Variants in BOLA1 observed in about 807,000 individuals in gnomAD.
BOLA1 encodes the protein bolA family member 1.
A neutral mutation model predicts 6.6 loss-of-function variants in BOLA1; 6 were observed. The ratio of observed to expected loss-of-function variants is 0.92; its 90% CI spans 0.50 to 1.81. The LOEUF (loss-of-function observed/expected upper bound fraction) is 1.81, where lower values mean the gene tolerates loss of function less well. Ranked by LOEUF, BOLA1 falls within the 40% of genes most tolerant of loss-of-function variation. BOLA1 has a pLI of 0.01. For synonymous variants in BOLA1, 87 were observed against 85.6 expected (o/e 1.02, Z -0.09); for missense variants, 183 against 186.8 (o/e 0.98, Z 0.12).
chr1:149,900,581 C>T lies in BOLA1; in HGVS notation c.*108C>T. 1 of 1,284,370 alleles carries T rather than the reference C, an allele frequency of 7.8e-7. No individual in the cohort carries two copies. Among genetic ancestry groups the T allele is most frequent in the Non-Finnish European group, 1.1e-6 (1 of 938,200 alleles). 79.6% of individuals were successfully genotyped at this position (1,284,370 alleles called of 1,614,324 possible). A position where few individuals can be genotyped will look rare whatever the true frequency, so the allele number is the denominator to read the frequency against. ...TTTGTAAGGGATGAAGACCCCTGGG[C>T]CCCATTCTGTTGGGGTCCATACATA... On this transcript the variant is annotated 3_prime_UTR_variant, in exon 2 of 2. Coordinates refer to ENST00000369152, the MANE Select transcript of BOLA1 (RefSeq NM_016074.5).
In BOLA1 at chr1:149,900,392, C is replaced by G; in HGVS notation, c.333C>G (p.Pro111=). ...VHALAIQART[P]AQWRENSQLD... ...CGCTGGCCATCCAGGCACGGACCCCCGCCCAGTGGAGAGAGAACTCTCAGC... is the reference window on the plus strand; with the variant it reads ...CGCTGGCCATCCAGGCACGGACCCCGGCCCAGTGGAGAGAGAACTCTCAGC... Residue 111 remains proline, a synonymous_variant, in exon 2 of 2, where the codon CCC becomes CCG. Coordinates refer to ENST00000369152, the MANE Select transcript of BOLA1 (RefSeq NM_016074.5). 6.2e-7 allele frequency: 1 copy of G among 1,612,094 alleles called. No homozygotes were observed. Among genetic ancestry groups the G allele is most frequent in the Non-Finnish European group, 8.5e-7 (1 of 1,178,852 alleles).
In BOLA1 at chr1:149,900,427, GC is replaced by G. The variant is rs1387757958; in HGVS notation, c.374del (p.Pro125HisfsTer10). On this transcript the variant is annotated frameshift_variant, in exon 2 of 2. Coordinates refer to ENST00000369152, the MANE Select transcript of BOLA1 (RefSeq NM_016074.5). LOFTEE classifies it high-confidence loss of function. ...QWRENSQLDT[S>X]PPCLGGNKKT... ...AGAGAGAACTCTCAGCTGGACACTA[GC>G]CCCCCATGCCTGGGTGGGAACAAGA... 1.3e-6 allele frequency: 2 copies of G among 1,594,614 alleles called. No individual in the cohort carries two copies. Among genetic ancestry groups the G allele is most frequent in the African/African-American group, 1.3e-5 (1 of 74,446 alleles).
At position 149,900,048 on chromosome 1, in the gene BOLA1, C is replaced by T. The variant is rs1553761623; in HGVS notation, c.-12C>T. 1 of 1,567,056 alleles carries T rather than the reference C, an allele frequency of 6.4e-7. No homozygotes were observed. The highest frequency in any genetic ancestry group is 1.2e-5 in the South Asian group (1 of 85,836). The stretch of plus-strand genomic sequence containing the variant: ...ACCCTCACTCCTGGCGTCTGAGTCT[C>T]TGGCGTAGCCCATGCTGAGTGGGCG... On this transcript the variant is annotated 5_prime_UTR_variant, in exon 2 of 2. Coordinates refer to ENST00000369152, the MANE Select transcript of BOLA1 (RefSeq NM_016074.5).
intron 1 of BOLA1, 83 bp downstream of exon 1, chr1:149,899,755 T>G (rs1282280225): frequency 5.1e-6 from 2 of 395,292 alleles, no homozygotes; most frequent in African/African-American, 4.1e-5. Context: ...ATGCCCTACT[T>G]TTGCCCATTC....
In BOLA1 at chr1:149,900,070, G is replaced by A. The variant is rs782566372; in HGVS notation, c.11G>A (p.Gly4Glu). MLS[G>E]RLVLGLVSMA... ...TCTCTGGCGTAGCCCATGCTGAGTG[G>A]GCGGCTGGTCCTGGGTCTGGTCTCC... The change falls in exon 2 of 2, where the codon GGG becomes GAG. Residue 4 changes from glycine (G) to glutamate (E), a missense_variant. By Grantham distance (98) the Gly-to-Glu change is moderately conservative. Transcript: ENST00000369152. 1 of 1,592,820 alleles carries A rather than the reference G, an allele frequency of 6.3e-7. No homozygotes were observed. Among genetic ancestry groups the A allele is most frequent in the East Asian group, 2.3e-5 (1 of 44,420 alleles).
intron 1 of BOLA1, 80 bp downstream of exon 1, chr1:149,899,752 A>C: frequency 5.2e-6 from 2 of 387,210 alleles, no homozygotes; most frequent in Non-Finnish European, 4.7e-6. Context: ...CACATGCCCT[A>C]CTTTTGCCCA....
In BOLA1 at chr1:149,899,671, A is replaced by T; in HGVS notation, c.-52A>T. 1 of 189,842 alleles carries T rather than the reference A, an allele frequency of 5.3e-6. No individual in the cohort carries two copies. 11.8% of individuals were successfully genotyped at this position (189,842 alleles called of 1,614,324 possible). ...ATCGCAGTGGCCGAGGCTGAGCGGC[A>T]GGTAGAAGGGGCGTCTCCGGGGCTT... On this transcript the variant is annotated splice_region_variant and 5_prime_UTR_variant, in exon 1 of 2. Transcript: ENST00000369152.
At chr1:149,899,749 CCT>C (rs1214955615) in intron 1 of BOLA1, 77 bp downstream of exon 1, 46 of 380,932 alleles carry the variant, frequency 1.2e-4, no homozygotes, top group African/African-American at 7.2e-4. Flanking sequence ...TTGCACATGC[CCT>C]ACTTTTGCCC....
rs1053650433 is a variant in BOLA1, at chr1:149,900,301, G to C, written c.242G>C (p.Ser81Thr). ...AVVSSRFEGL[S>T]PLQRHRLVHA... ...GTGAGCTCTCGTTTCGAGGGACTGA[G>C]CCCCCTACAACGACACCGGCTGGTC... Residue 81 changes from serine to threonine, a missense_variant, in exon 2 of 2, where the codon AGC (serine) becomes ACC (threonine). Physicochemically the swap from Ser to Thr is moderately conservative, Grantham distance 58 (BLOSUM62 1). Transcript: ENST00000369152. The C allele has an allele frequency of 6.2e-7, 1 of 1,613,710 alleles. No individual in the cohort carries two copies. Among genetic ancestry groups the C allele is most frequent in the Non-Finnish European group, 8.5e-7 (1 of 1,179,928 alleles).
In BOLA1 at chr1:149,900,458, T is replaced by C; in HGVS notation, c.399T>C (p.Thr133=). ...SPPCLGGNKK[T]LGTP ...CATGCCTGGGTGGGAACAAGAAAAC[T>C]CTAGGAACCCCCTGAACCCCAAGAG... is the stretch of plus-strand genomic sequence containing the variant. The change falls in exon 2 of 2, where the codon ACT becomes ACC. Residue 133 remains threonine (T), a synonymous_variant. Transcript: ENST00000369152. The C allele has an allele frequency of 6.3e-7, 1 of 1,581,524 alleles. No individual in the cohort carries two copies. The highest frequency in any genetic ancestry group is 8.6e-7 in the Non-Finnish European group (1 of 1,159,242).
In BOLA1 at chr1:149,900,608, T is replaced by A; in HGVS notation, c.*135T>A. On this transcript the variant is annotated 3_prime_UTR_variant, in exon 2 of 2. Transcript: ENST00000369152. ...CCATTCTGTTGGGGTCCATACATAC[T>A]CTCCGAAGATAGCAACTTGCTTCAG... 1.1e-6 allele frequency: 1 copy of A among 914,022 alleles called. No homozygotes were observed. Among genetic ancestry groups the A allele is most frequent in the Non-Finnish European group, 1.6e-6 (1 of 630,030 alleles). The allele number at this position is 914,022 out of a possible 1,614,324, so 56.6% of individuals were successfully genotyped here. A position where few individuals can be genotyped will look rare whatever the true frequency, so the allele number is the denominator to read the frequency against.
At position 149,899,986 on chromosome 1, in the gene BOLA1, G is replaced by T. The variant is rs587721504; in HGVS notation, c.-50-24G>T. ...GGCGGATGCGGGGATCGCGGGGCGG[G>T]TGTTGACATTGTGCTCTCACCAGGC... On this transcript the variant is annotated intron_variant, in intron 1 of 1. Coordinates refer to ENST00000369152, the MANE Select transcript of BOLA1 (RefSeq NM_016074.5). 11,675 of 1,500,484 alleles carry T rather than the reference G, an allele frequency of 7.8e-3. 65 individuals carry two copies. Among genetic ancestry groups the T allele is most frequent in the Non-Finnish European group, 8.5e-3 (9,508 of 1,124,154 alleles). 92.9% of individuals were successfully genotyped at this position (1,500,484 alleles called of 1,614,324 possible).
At chr1:149,899,745 A>G in intron 1 of BOLA1, 73 bp downstream of exon 1, 1 of 369,654 alleles carries the variant, frequency 2.7e-6, no homozygotes, top group Non-Finnish European at 4.9e-6. Flanking sequence ...GCAGTTGCAC[A>G]TGCCCTACTT....
At position 149,900,428 on chromosome 1, in the gene BOLA1, C is replaced by T. The variant is rs2092387291; in HGVS notation, c.369C>T (p.Ser123=). 1.9e-6 allele frequency: 3 copies of T among 1,594,132 alleles called. No individual in the cohort carries two copies. In the African/African-American group the frequency reaches 4.0e-5, roughly 21 times the overall value. ...GAGAGAACTCTCAGCTGGACACTAG[C>T]CCCCCATGCCTGGGTGGGAACAAGA... is the stretch of plus-strand genomic sequence containing the variant. ...QWRENSQLDT[S]PPCLGGNKKT... is the part of the protein sequence containing the mutation. Residue 123 remains serine, a synonymous_variant, in exon 2 of 2, where the codon AGC becomes AGT. Coordinates refer to ENST00000369152, the MANE Select transcript of BOLA1 (RefSeq NM_016074.5).
chr1:149,900,286 G>A lies in BOLA1; in HGVS notation c.227G>A (p.Arg76His), dbSNP rs1553761715. The change falls in exon 2 of 2, where the codon CGT (arginine) becomes CAT (histidine). Residue 76 changes from arginine (R) to histidine (H), a missense_variant. Physicochemically the swap from Arg to His is conservative, Grantham distance 29. Coordinates refer to ENST00000369152, the MANE Select transcript of BOLA1 (RefSeq NM_016074.5). The part of the protein sequence containing the change: ...THFRVAVVSS[R>H]FEGLSPLQRH... ...TTCCGCGTGGCTGTGGTGAGCTCTCGTTTCGAGGGACTGAGCCCCCTACAA... is the reference window on the plus strand; with the variant it reads ...TTCCGCGTGGCTGTGGTGAGCTCTCATTTCGAGGGACTGAGCCCCCTACAA... 5 of 1,613,642 alleles carry A rather than the reference G, an allele frequency of 3.1e-6. No individual in the cohort carries two copies. The South Asian group carries it at 5.5e-5, about 18-fold the overall frequency.
chr1:149,900,232 A>G lies in BOLA1; in HGVS notation c.173A>G (p.His58Arg). The change falls in exon 2 of 2, where the codon CAC (histidine) becomes CGC (arginine). Residue 58 changes from histidine to arginine, a missense_variant. Physicochemically the swap from His to Arg is conservative, Grantham distance 29. Transcript: ENST00000369152. The part of the protein sequence containing the change: ...VLELRNESGG[H>R]AVPPGSETHF... ...GAGCTTCGCAACGAGAGCGGTGGCC[A>G]CGCGGTCCCGCCTGGCAGTGAGACT... 3 of 1,613,184 alleles carry G rather than the reference A, an allele frequency of 1.9e-6. No homozygotes were observed. Among genetic ancestry groups the G allele is most frequent in the Non-Finnish European group, 1.7e-6 (2 of 1,179,466 alleles).
rs782708182 is a variant in BOLA1, at chr1:149,900,488, A to G, written c.*15A>G. 4 of 1,549,524 alleles carry G rather than the reference A, an allele frequency of 2.6e-6. No individual in the cohort carries two copies. The highest frequency in any genetic ancestry group is 1.9e-5 in the Admixed American group (1 of 51,838). On this transcript the variant is annotated 3_prime_UTR_variant, in exon 2 of 2. Coordinates refer to ENST00000369152, the MANE Select transcript of BOLA1 (RefSeq NM_016074.5). ...GAACCCCCTGAACCCCAAGAGAGGG[A>G]GGACCAGGATCCGAATGGGCTGGGT...
rs2092385828 is a variant in BOLA1 at position 149,900,311 on chromosome 1, A to G, written c.252A>G (p.Gln84=). 6.2e-7 allele frequency: 1 copy of G among 1,613,660 alleles called. No individual in the cohort carries two copies. The highest frequency in any genetic ancestry group is 8.5e-7 in the Non-Finnish European group (1 of 1,179,926). The change falls in exon 2 of 2, where the codon CAA becomes CAG. Residue 84 remains glutamine (Q), a synonymous_variant. Coordinates refer to ENST00000369152, the MANE Select transcript of BOLA1 (RefSeq NM_016074.5). ...SSRFEGLSPL[Q]RHRLVHAALA... ...GTTTCGAGGGACTGAGCCCCCTACA[A>G]CGACACCGGCTGGTCCACGCAGCGC... is the stretch of plus-strand genomic sequence containing the variant.
rs782352952 is a variant in BOLA1 at position 149,900,424 on chromosome 1, C to T, written c.365C>T (p.Thr122Ile). 1.6e-5 allele frequency: 26 copies of T among 1,599,756 alleles called. No individual in the cohort carries two copies. In the Admixed American group the frequency reaches 2.0e-4, roughly 12 times the overall value. ...AQWRENSQLD[T>I]SPPCLGGNKK... ...TGGAGAGAGAACTCTCAGCTGGACA[C>T]TAGCCCCCCATGCCTGGGTGGGAAC... The change falls in exon 2 of 2, where the codon ACT becomes ATT. Residue 122 changes from threonine to isoleucine, a missense_variant. By Grantham distance (89) the Thr-to-Ile change is moderately conservative. Coordinates refer to ENST00000369152, the MANE Select transcript of BOLA1 (RefSeq NM_016074.5).
Sources: allele counts gnomAD v4.1 joint callset, GRCh38; gene constraint gnomAD v4.1.1; transcripts MANE v1.5; gene names NCBI Gene and HGNC (gene_info 2026-07-23, HGNC 2026-07-21).